The following DPY19L3 variants were observed in gnomAD, a reference collection of about 807,000 sequenced individuals.
The protein encoded by DPY19L3 is dpy-19 like C-mannosyltransferase 3, also known as protein C-mannosyl-transferase DPY19L3.
A neutral mutation model predicts 92.3 loss-of-function variants in DPY19L3; 51 were observed. The ratio of observed to expected loss-of-function variants is 0.55; its 90% CI spans 0.44 to 0.70. DPY19L3 has a LOEUF of 0.70. DPY19L3 is among the 30% of genes least tolerant of loss of function. The pLI is 0.00. For missense variants in DPY19L3, 706 were observed against 855.9 expected (o/e 0.82, Z 2.18); for synonymous variants, 309 against 315.2 (o/e 0.98, Z 0.21).
chr19:32,407,863 C>T (rs1054674401), intron 1 of DPY19L3, among the ~76,000 whole-genome samples: 6 of 152,038 alleles, frequency 3.9e-5, no homozygotes, highest in South Asian at 2.1e-4. Context: ...GAGTCCAAGG[C>T]GGGGAGGATC....
chr19:32,447,775 A>AGATAGATT (rs1237623603), intron 8 of DPY19L3, among the ~76,000 whole-genome samples: 1,465 of 126,896 alleles, frequency 0.012, 8 homozygotes, highest in African/African-American at 0.021. Context: ...ATAGATAGAT[A>AGATAGATT]GATTAGATAA....
At chr19:32,407,129 A>G (rs1361142146) in intron 1 of DPY19L3, among the ~76,000 whole-genome samples, 1 of 151,974 alleles carries the variant, frequency 6.6e-6, no homozygotes, top group Non-Finnish European at 1.5e-5. Flanking sequence ...TACTAGTCAC[A>G]TTTAAGAAAT....
intron 3 of DPY19L3, chr19:32,412,626 G>A (rs1968228257): frequency 6.6e-6 from 1 of 152,172 alleles, no homozygotes; most frequent in African/African-American, 2.4e-5. Flanking sequence ...GAAAGGAACT[G>A]TAATTTTAAT....
intron 2 of DPY19L3, among the ~76,000 whole-genome samples, chr19:32,408,617 AGTAATG>A (rs1293575928): frequency 1.3e-5 from 2 of 152,152 alleles, no homozygotes; most frequent in Non-Finnish European, 2.9e-5. Flanking sequence ...GACTCTCTAG[AGTAATG>A]GTCCCCCCAC....
At chr19:32,407,890 T>A (rs1968032213) in intron 1 of DPY19L3, among the ~76,000 whole-genome samples, 1 of 152,076 alleles carries the variant, frequency 6.6e-6, no homozygotes, top group Non-Finnish European at 1.5e-5. Flanking sequence ...GGCCAGGAGT[T>A]CAGTACCAGC....
chr19:32,437,247 G>T lies in DPY19L3; in HGVS notation c.504G>T (p.Ala168=), dbSNP rs1969171659. 1.9e-6 allele frequency: 3 copies of T among 1,613,990 alleles called. No individual in the cohort carries two copies. Among genetic ancestry groups the T allele is most frequent in the South Asian group, 1.1e-5 (1 of 91,070 alleles). ...TTTACACCTTATTTGGGCTCCAGGC[G>T]ATCTATGTCACAGCTCTCTACATAA... ...FYIYTLFGLQ[A]IYVTALYITS... is the part of the protein sequence containing the mutation. Residue 168 remains alanine (A), a synonymous_variant, in exon 6 of 19, where the codon GCG becomes GCT. Transcript: ENST00000392250.
At chr19:32,460,906 C>G (rs1422344173) in intron 12 of DPY19L3, among the ~76,000 whole-genome samples, 1 of 146,628 alleles carries the variant, frequency 6.8e-6, no homozygotes, top group Non-Finnish European at 1.5e-5. Context: ...CTCGCTCTTG[C>G]CTGGGCTGGA....
chr19:32,427,812 A>T (rs1599607796), intron 3 of DPY19L3, among the ~76,000 whole-genome samples: 1 of 152,276 alleles, frequency 6.6e-6, no homozygotes, highest in Non-Finnish European at 1.5e-5. Flanking sequence ...CCCAGTACAG[A>T]ACTTTAAGAA....
At position 32,439,883 on chromosome 19, in the gene DPY19L3, C is replaced by T. The variant is rs1969268542; in HGVS notation, c.828C>T (p.Asp276=). 1.2e-6 allele frequency: 2 copies of T among 1,613,668 alleles called. No homozygotes were observed. Among genetic ancestry groups the T allele is most frequent in the South Asian group, 2.2e-5 (2 of 91,038 alleles). ...AAGCATTAGTGCTGTTCACACTGGA[C>T]TCCCTGGACATGCTGCCAGCAGTGA... ...LMQALVLFTL[D]SLDMLPAVKA... Residue 276 remains aspartate (D), a synonymous_variant, in exon 8 of 19, where the codon GAC becomes GAT. Coordinates refer to ENST00000392250, the MANE Select transcript of DPY19L3 (RefSeq NM_001172774.2).
intron 5 of DPY19L3, among the ~76,000 whole-genome samples, 180 bp from the exon 6 acceptor site, chr19:32,437,014 T>C (rs1242093435): frequency 6.6e-6 from 1 of 151,748 alleles, no homozygotes. Flanking sequence ...CCCTGTCTCT[T>C]CTCGGTGGTG....
At chr19:32,417,734 C>G (rs765215305) in intron 3 of DPY19L3, among the ~76,000 whole-genome samples, 5 of 152,142 alleles carry the variant, frequency 3.3e-5, no homozygotes, top group Non-Finnish European at 5.9e-5. Flanking sequence ...ACCTCTCCAC[C>G]CTTGTGGAAC....
At chr19:32,473,272 T>G (rs944653811) in intron 16 of DPY19L3, among the ~76,000 whole-genome samples, 1 of 152,268 alleles carries the variant, frequency 6.6e-6, no homozygotes, top group Non-Finnish European at 1.5e-5. Flanking sequence ...GGCAGCCTGC[T>G]ATGGAGCTTG....
intron 18 of DPY19L3, chr19:32,481,091 G>GCTTCTCC (rs537993626): frequency 1.8e-5 from 5 of 271,596 alleles, no homozygotes; most frequent in Non-Finnish European, 2.7e-5. Flanking sequence ...GCAGCAAGCC[G>GCTTCTCC]CTTCTCCCTT....
rs1599673088 is a variant in DPY19L3 at position 32,472,257 on chromosome 19, G to A, written c.1697+3444G>A. Among the ~76,000 whole-genome samples the A allele has an allele frequency of 2.0e-5, 3 of 152,244 alleles. No individual in the cohort carries two copies. In the East Asian group the frequency reaches 5.8e-4, roughly 29 times the overall value. On this transcript the variant is annotated intron_variant, in intron 16 of 18. Transcript: ENST00000392250. Reference sequence around the variant, plus strand: ...TCAGTATGAAACCAACAGTGTTTAGGGATTAAGTTGCTCTTTTTTACAAGG... The same window carrying A: ...TCAGTATGAAACCAACAGTGTTTAGAGATTAAGTTGCTCTTTTTTACAAGG...
chr19:32,446,810 C>T (rs549437285), intron 8 of DPY19L3, among the ~76,000 whole-genome samples: 1 of 152,168 alleles, frequency 6.6e-6, no homozygotes, highest in South Asian at 2.1e-4. Context: ...GATAGAACAC[C>T]AGACAGAAAA....
intron 16 of DPY19L3, among the ~76,000 whole-genome samples, chr19:32,476,442 G>A (rs1208478087): frequency 6.7e-6 from 1 of 149,098 alleles, no homozygotes; most frequent in African/African-American, 2.5e-5. Context: ...GGGAAATTCT[G>A]CACTCAGGAG....
chr19:32,450,192 C>G (rs977681038), intron 8 of DPY19L3, among the ~76,000 whole-genome samples: 2 of 152,176 alleles, frequency 1.3e-5, no homozygotes, highest in Non-Finnish European at 2.9e-5. Context: ...GCAGATACCA[C>G]TTTACACCCA....
rs759886895 is a variant in DPY19L3 at position 32,458,052 on chromosome 19, C to A, written c.1090-48C>A. ...ATTCAATGGGAAGTTATCAGGAAAC[C>A]GTGCCTAAAGGACTAATAGCAATTT... On this transcript the variant is annotated intron_variant, in intron 10 of 18. Coordinates refer to ENST00000392250, the MANE Select transcript of DPY19L3 (RefSeq NM_001172774.2). The A allele has an allele frequency of 3.5e-6, 5 of 1,418,536 alleles. No individual in the cohort carries two copies. The South Asian group carries it at 4.8e-5, about 14-fold the overall frequency. 87.9% of individuals were successfully genotyped at this position (1,418,536 alleles called of 1,614,324 possible).
intron 2 of DPY19L3, among the ~76,000 whole-genome samples, chr19:32,409,190 G>C (rs935912246): frequency 6.6e-6 from 1 of 152,174 alleles, no homozygotes; most frequent in African/African-American, 2.4e-5. Context: ...CAAAGAAAAA[G>C]AAATATACTC....
Sources: gnomAD v4.1 joint callset for allele counts (sites outside exome capture counted in the v4.1 genomes callset) on GRCh38, gnomAD v4.1.1 for gene constraint, MANE v1.5 for transcripts, NCBI Gene and HGNC (gene_info 2026-07-23, HGNC 2026-07-21) for gene names.